Variants in DYNLL2 observed in about 807,000 individuals in gnomAD.
DYNLL2 encodes dynein light chain LC8-type 2.
DYNLL2 carries 1 observed loss-of-function variant against 9.7 expected under a neutral mutation model. That is an observed-to-expected ratio of 0.10 (90% CI 0.04 to 0.49). The LOEUF is 0.49. Among genes scored for constraint, DYNLL2 ranks in the 20% least tolerant of loss-of-function variants. DYNLL2 has a pLI of 0.95. For missense variants in DYNLL2, 37 were observed against 115.2 expected (o/e 0.32, Z 3.11); for synonymous variants, 35 against 40.5 (o/e 0.86, Z 0.52).
rs1236988222 is a variant in DYNLL2 at position 58,089,159 on chromosome 17, T to C, written c.150T>C (p.Tyr50=). The C allele has an allele frequency of 2.5e-6, 4 of 1,614,144 alleles. No individual in the cohort carries two copies. Among genetic ancestry groups the C allele is most frequent in the Non-Finnish European group, 2.5e-6 (3 of 1,180,006 alleles). ...TTTTTTAGGAATTTGACAAGAAATA[T>C]AACCCTACCTGGCATTGTATCGTGG... The part of the protein sequence containing the change: ...AYIKKEFDKK[Y]NPTWHCIVGR... The change falls in exon 3 of 3, where the codon TAT becomes TAC. Residue 50 remains tyrosine, a synonymous_variant. Coordinates refer to ENST00000579991, the MANE Select transcript of DYNLL2 (RefSeq NM_080677.3).
rs893972098 is a variant in DYNLL2, at chr17:58,093,566, G to A, written c.*4287G>A. ...AAGGCTTAACTGGGTTTGGCAGCAA[G>A]GGTCTCATGGATACTCTTTAAGATG... On this transcript the variant is annotated 3_prime_UTR_variant, in exon 3 of 3. Transcript: ENST00000579991. The A allele has an allele frequency of 6.6e-6, 1 of 152,134 alleles. No homozygotes were observed. Among genetic ancestry groups the A allele is most frequent in the African/African-American group, 2.4e-5 (1 of 41,418 alleles). The allele number at this position is 152,134 out of a possible 1,614,324, so 9.4% of individuals were successfully genotyped here.
At position 58,089,482 on chromosome 17, in the gene DYNLL2, G is replaced by A; in HGVS notation, c.*203G>A. 1 of 575,780 alleles carries A rather than the reference G, an allele frequency of 1.7e-6. No homozygotes were observed. The highest frequency in any genetic ancestry group is 2.8e-6 in the Non-Finnish European group (1 of 357,284). The allele number at this position is 575,780 out of a possible 1,614,324, so 35.7% of individuals were successfully genotyped here. On this transcript the variant is annotated 3_prime_UTR_variant, in exon 3 of 3. Transcript: ENST00000579991. ...TTTAGTTGCCTGGGGGAAGAAGGCT[G>A]CTTTATGTTTATTTTTCAAGACTTT...
Position 58,090,080 on chromosome 17 carries a change from C to T in DYNLL2, c.*801C>T, listed in dbSNP as rs2075774610. The T allele has an allele frequency of 2.5e-6, 1 of 394,178 alleles. No individual in the cohort carries two copies. The highest frequency in any genetic ancestry group is 2.1e-5 in the African/African-American group (1 of 48,318). The allele number at this position is 394,178 out of a possible 1,614,324, so 24.4% of individuals were successfully genotyped here. A position where few individuals can be genotyped will look rare whatever the true frequency, so the allele number is the denominator to read the frequency against. ...TCCTGTCTGCTCCCTGCTTAGCCCT[C>T]AGTTTCCTCATTCCTCTGGAGTTCT... is the stretch of plus-strand genomic sequence containing the variant. On this transcript the variant is annotated 3_prime_UTR_variant, in exon 3 of 3. Coordinates refer to ENST00000579991, the MANE Select transcript of DYNLL2 (RefSeq NM_080677.3).
At chr17:58,087,759 A>G (rs1031224436) in intron 2 of DYNLL2, among the ~76,000 whole-genome samples, 1 of 152,182 alleles carries the variant, frequency 6.6e-6, no homozygotes, top group Non-Finnish European at 1.5e-5. Flanking sequence ...TTTTTAAGAA[A>G]TGGATGAGCA....
Position 58,089,269 on chromosome 17 carries a change from A to C in DYNLL2, c.260A>C (p.Lys87Thr). 1 of 1,613,828 alleles carries C rather than the reference A, an allele frequency of 6.2e-7. No individual in the cohort carries two copies. Among genetic ancestry groups the C allele is most frequent in the Non-Finnish European group, 8.5e-7 (1 of 1,179,884 alleles). The change falls in exon 3 of 3, where the codon AAG becomes ACG. Residue 87 changes from lysine (K) to threonine (T), a missense_variant. Transcript: ENST00000579991. ...GGTCAAGTTGCAATCCTCCTCTTCA[A>C]GTCAGGCTAGGTGGCCATGGTGAAG... ...YLGQVAILLF[K>T]SG
At chr17:58,086,816 G>C (rs2075761654) in intron 1 of DYNLL2, among the ~76,000 whole-genome samples, 1 of 152,204 alleles carries the variant, frequency 6.6e-6, no homozygotes, top group Non-Finnish European at 1.5e-5. Flanking sequence ...CAGAATATCG[G>C]AAGTAAATTT....
chr17:58,085,438 G>A (rs16942650), intron 1 of DYNLL2, among the ~76,000 whole-genome samples: 19,639 of 152,206 alleles, frequency 0.13, 2,033 homozygotes, highest in African/African-American at 0.28. Context: ...AGCCTCCTGT[G>A]TAGCCTTCCA....
At chr17:58,086,653 T>C (rs1178454134) in intron 1 of DYNLL2, among the ~76,000 whole-genome samples, 1 of 152,228 alleles carries the variant, frequency 6.6e-6, no homozygotes, top group Non-Finnish European at 1.5e-5. Context: ...GACTTAATTC[T>C]GTTCAAATGT....
rs1174522173 is a variant in DYNLL2, at chr17:58,094,968, A to G, written c.*5689A>G. On this transcript the variant is annotated 3_prime_UTR_variant, in exon 3 of 3. Coordinates refer to ENST00000579991, the MANE Select transcript of DYNLL2 (RefSeq NM_080677.3). ...TTTTCTAGCTGAGTAACGTGTGGGTATATCACATTTTGTTTATTCATCTGT... is the reference window on the plus strand; with the variant it reads ...TTTTCTAGCTGAGTAACGTGTGGGTGTATCACATTTTGTTTATTCATCTGT... The G allele has an allele frequency of 6.6e-6, 1 of 152,156 alleles. No individual in the cohort carries two copies. Among genetic ancestry groups the G allele is most frequent in the Non-Finnish European group, 1.5e-5 (1 of 68,038 alleles). The allele number at this position is 152,156 out of a possible 1,614,324, so 9.4% of individuals were successfully genotyped here. A position where few individuals can be genotyped will look rare whatever the true frequency, so the allele number is the denominator to read the frequency against.
chr17:58,089,185 G>A lies in DYNLL2; in HGVS notation c.176G>A (p.Gly59Asp), dbSNP rs1298303022. The change falls in exon 3 of 3, where the codon GGC becomes GAC. Residue 59 changes from glycine (G) to aspartate (D), a missense_variant. Gly to Asp is a moderately conservative substitution (Grantham distance 94). Coordinates refer to ENST00000579991, the MANE Select transcript of DYNLL2 (RefSeq NM_080677.3). The part of the protein sequence containing the change: ...KYNPTWHCIV[G>D]RNFGSYVTHE... ...AACCCTACCTGGCATTGTATCGTGGGCCGAAATTTTGGCAGCTACGTCACA... is the reference window on the plus strand; with the variant it reads ...AACCCTACCTGGCATTGTATCGTGGACCGAAATTTTGGCAGCTACGTCACA... 6.2e-7 allele frequency: 1 copy of A among 1,613,870 alleles called. No individual in the cohort carries two copies. The highest frequency in any genetic ancestry group is 8.5e-7 in the Non-Finnish European group (1 of 1,179,986).
At chr17:58,087,270 C>A (rs746468045) in intron 2 of DYNLL2, 48 bp downstream of exon 2, 1 of 1,607,344 alleles carries the variant, frequency 6.2e-7, no homozygotes, top group Non-Finnish European at 8.5e-7. Flanking sequence ...GGATCGACAG[C>A]TGAGCTAACC....
In DYNLL2 at chr17:58,090,812, ACT is replaced by A. The variant is rs1397565192; in HGVS notation, c.*1537_*1538del. The A allele has an allele frequency of 1.5e-5, 2 of 134,640 alleles. No individual in the cohort carries two copies. The highest frequency in any genetic ancestry group is 2.8e-5 in the African/African-American group (1 of 35,664). 8.3% of individuals were successfully genotyped at this position (134,640 alleles called of 1,614,324 possible). A position where few individuals can be genotyped will look rare whatever the true frequency, so the allele number is the denominator to read the frequency against. Reference sequence around the variant, plus strand: ...CTGATTTTCATGAGTCGCCTTCAAAACTCTCGTGTAGGGTTGACAATGTGGGG... The same window carrying A: ...CTGATTTTCATGAGTCGCCTTCAAAACTCGTGTAGGGTTGACAATGTGGGG... On this transcript the variant is annotated 3_prime_UTR_variant, in exon 3 of 3. Coordinates refer to ENST00000579991, the MANE Select transcript of DYNLL2 (RefSeq NM_080677.3).
At position 58,089,918 on chromosome 17, in the gene DYNLL2, C is replaced by T. The variant is rs561343921; in HGVS notation, c.*639C>T. 1 of 398,734 alleles carries T rather than the reference C, an allele frequency of 2.5e-6. No individual in the cohort carries two copies. The highest frequency in any genetic ancestry group is 2.1e-5 in the African/African-American group (1 of 48,710). 24.7% of individuals were successfully genotyped at this position (398,734 alleles called of 1,614,324 possible). ...GTGTGGGAGTGGGGAGCAGATTTGT[C>T]TTGCTGTCTTTGTCAGAATTTCTAA... is the stretch of plus-strand genomic sequence containing the variant. On this transcript the variant is annotated 3_prime_UTR_variant, in exon 3 of 3. Coordinates refer to ENST00000579991, the MANE Select transcript of DYNLL2 (RefSeq NM_080677.3).
At chr17:58,084,801 T>A (rs1191698884) in intron 1 of DYNLL2, among the ~76,000 whole-genome samples, 1 of 152,156 alleles carries the variant, frequency 6.6e-6, no homozygotes, top group African/African-American at 2.4e-5. Flanking sequence ...TTCACTTTGC[T>A]GTCTAACCAG....
At chr17:58,085,216 GT>G (rs1213235612) in intron 1 of DYNLL2, among the ~76,000 whole-genome samples, 1 of 152,180 alleles carries the variant, frequency 6.6e-6, no homozygotes, top group Non-Finnish European at 1.5e-5. Flanking sequence ...GCCCTGCTTA[GT>G]TTGGCAGTGC....
rs16942662 is a variant in DYNLL2 at position 58,089,138 on chromosome 17, T to C, written c.133-4T>C. 3,525 of 1,612,790 alleles carry C rather than the reference T, an allele frequency of 2.2e-3. 76 individuals are homozygous for C. The African/African-American group carries it at 0.042, about 19-fold the overall frequency. On this transcript the variant is annotated splice_polypyrimidine_tract_variant and splice_region_variant and intron_variant, in intron 2 of 2. Transcript: ENST00000579991. ...CTTTCTTCTCTACCTTTGTTCTTTT[T>C]TAGGAATTTGACAAGAAATATAACC...
At chr17:58,083,757 C>T (rs1465235139) in intron 1 of DYNLL2, 74 bp downstream of exon 1, 2 of 152,180 alleles carry the variant, frequency 1.3e-5, no homozygotes, top group African/African-American at 4.8e-5. Context: ...CGACCCGGCC[C>T]TCGCCGCGGT....
chr17:58,094,050 A>G lies in DYNLL2; in HGVS notation c.*4771A>G, dbSNP rs964129656. ...CTCTCCTTCCTCCCTTTGCCCAGAT[A>G]AAGGTGTACAGTGTTTGTGGTGAGG... On this transcript the variant is annotated 3_prime_UTR_variant, in exon 3 of 3. Coordinates refer to ENST00000579991, the MANE Select transcript of DYNLL2 (RefSeq NM_080677.3). The G allele has an allele frequency of 1.3e-5, 2 of 152,230 alleles. No homozygotes were observed. The highest frequency in any genetic ancestry group is 6.5e-5 in the Admixed American group (1 of 15,284). 9.4% of individuals were successfully genotyped at this position (152,230 alleles called of 1,614,324 possible). A position where few individuals can be genotyped will look rare whatever the true frequency, so the allele number is the denominator to read the frequency against.
At chr17:58,087,368 G>A in intron 2 of DYNLL2, 146 bp downstream of exon 2, 1 of 1,211,674 alleles carries the variant, frequency 8.3e-7, no homozygotes, top group Non-Finnish European at 1.1e-6. Context: ...AGACAAACTA[G>A]CGAGTGATTC....
Sources: allele counts gnomAD v4.1 joint callset (sites outside exome capture counted in the v4.1 genomes callset), GRCh38; gene constraint gnomAD v4.1.1; transcripts MANE v1.5; gene names NCBI Gene and HGNC (gene_info 2026-07-23, HGNC 2026-07-21).